SMAD2: variants seen among roughly 807,000 people sequenced by gnomAD.
SMAD2 encodes MAD homolog 2.
A neutral mutation model predicts 64.4 loss-of-function variants in SMAD2; 8 were observed. The ratio of observed to expected loss-of-function variants is 0.12; its 90% CI spans 0.07 to 0.22. SMAD2 has a LOEUF of 0.22. Among genes scored for constraint, SMAD2 ranks in the 10% least tolerant of loss-of-function variants. SMAD2 has a pLI of 1.00. For missense variants in SMAD2, 289 were observed against 561.2 expected (o/e 0.51, Z 4.90); for synonymous variants, 203 against 195.8 (o/e 1.04, Z -0.31).
intron 1 of SMAD2, among the ~76,000 whole-genome samples, chr18:47,925,423 AG>A (rs1205560389): frequency 1.3e-5 from 2 of 152,344 alleles, no homozygotes; most frequent in Admixed American, 1.3e-4. Flanking sequence ...GTACAATGTG[AG>A]GCAAGCACAG....
At position 47,816,273 on chromosome 18, in the gene SMAD2, A is replaced by G. The variant is rs1912363278; in HGVS notation, c.*25554T>C. 1 of 152,174 alleles carries G rather than the reference A, an allele frequency of 6.6e-6. No homozygotes were observed. The highest frequency in any genetic ancestry group is 1.5e-5 in the Non-Finnish European group (1 of 68,022). 9.4% of individuals were successfully genotyped at this position (152,174 alleles called of 1,614,324 possible). ...TTGTTCAGAAGTTTTAGGTCTTATG[A>G]AAAAAAGATTTTTATAAATTATACA... On this transcript the variant is annotated 3_prime_UTR_variant, in exon 11 of 11. Transcript: ENST00000262160.
At chr18:47,930,848 C>G (rs2034989799), upstream of SMAD2, 1 of 149,026 alleles carries the variant, frequency 6.7e-6, no homozygotes, top group South Asian at 2.1e-4. Context: ...TCTCCGCCGC[C>G]GCGGCCGCGC....
chr18:47,903,933 G>T (rs1290631587), intron 1 of SMAD2, among the ~76,000 whole-genome samples: 1 of 151,312 alleles, frequency 6.6e-6, no homozygotes, highest in Non-Finnish European at 1.5e-5. Context: ...TTTAATTGGG[G>T]TGCCAGAGAA....
rs2144263369 is a variant in SMAD2, at chr18:47,836,373, T to C, written c.*5454A>G. 1 of 221,948 alleles carries C rather than the reference T, an allele frequency of 4.5e-6. No homozygotes were observed. The highest frequency in any genetic ancestry group is 1.8e-4 in the South Asian group (1 of 5,432). 13.7% of individuals were successfully genotyped at this position (221,948 alleles called of 1,614,324 possible). The stretch of plus-strand genomic sequence containing the variant: ...AACGGGGTATATGGCAGAGCTTTCT[T>C]TGATGTTAACAAATTTTGGCTGTGA... On this transcript the variant is annotated 3_prime_UTR_variant, in exon 11 of 11. Coordinates refer to ENST00000262160, the MANE Select transcript of SMAD2 (RefSeq NM_005901.6).
At position 47,828,271 on chromosome 18, in the gene SMAD2, G is replaced by T. The variant is rs184530434; in HGVS notation, c.*13556C>A. The T allele has an allele frequency of 0.061, 9,418 of 154,568 alleles. 366 individuals are homozygous for T. The highest frequency in any genetic ancestry group is 0.088 in the Non-Finnish European group (6,138 of 70,148). The allele number at this position is 154,568 out of a possible 1,614,324, so 9.6% of individuals were successfully genotyped here. On this transcript the variant is annotated 3_prime_UTR_variant, in exon 11 of 11. Coordinates refer to ENST00000262160, the MANE Select transcript of SMAD2 (RefSeq NM_005901.6). ...CGGCCAGCCGCCCCGTCCGGGAGGT[G>T]GGGGGCAACCCCCGCCCGGCCAGCT...
At chr18:47,919,325 T>C (rs1036199951) in intron 1 of SMAD2, among the ~76,000 whole-genome samples, 2 of 151,832 alleles carry the variant, frequency 1.3e-5, no homozygotes, top group Admixed American at 6.6e-5. Context: ...CTGAAGAATA[T>C]GTCTCATCAA....
rs566869442 is a variant in SMAD2, at chr18:47,831,526, A to C, written c.*10301T>G. The C allele has an allele frequency of 9.8e-5, 15 of 152,362 alleles. No homozygotes were observed. Among genetic ancestry groups the C allele is most frequent in the Admixed American group, 7.8e-4 (12 of 15,304 alleles). 9.4% of individuals were successfully genotyped at this position (152,362 alleles called of 1,614,324 possible). ...GCAGAGGCAGCCAACAAAACTATTG[A>C]AGACAGACTGTAAAAACTGGCAAAT... is the stretch of plus-strand genomic sequence containing the variant. On this transcript the variant is annotated 3_prime_UTR_variant, in exon 11 of 11. Coordinates refer to ENST00000262160, the MANE Select transcript of SMAD2 (RefSeq NM_005901.6).
intron 1 of SMAD2, among the ~76,000 whole-genome samples, chr18:47,906,121 A>C (rs2033892499): frequency 6.6e-6 from 1 of 151,326 alleles, no homozygotes; most frequent in Non-Finnish European, 1.5e-5. Flanking sequence ...TCTCAAAAAG[A>C]AAAAAAAAGA....
chr18:47,899,044 G>GT (rs1233341219), intron 1 of SMAD2, among the ~76,000 whole-genome samples: 1 of 152,088 alleles, frequency 6.6e-6, no homozygotes, highest in East Asian at 1.9e-4. Flanking sequence ...TGGAGAAGGG[G>GT]TAAGTTTTTA....
At chr18:47,904,666 T>C (rs2033832957) in intron 1 of SMAD2, among the ~76,000 whole-genome samples, 1 of 151,980 alleles carries the variant, frequency 6.6e-6, no homozygotes, top group South Asian at 2.1e-4. Flanking sequence ...AGCAACATAA[T>C]AGAAAAGGTC....
chr18:47,908,010 A>C (rs930665893), intron 1 of SMAD2, among the ~76,000 whole-genome samples: 11 of 152,230 alleles, frequency 7.2e-5, no homozygotes, highest in Non-Finnish European at 1.3e-4. Context: ...AAAAAAATTT[A>C]AAAGGTGCCT....
rs565358660 is a variant in SMAD2, at chr18:47,900,063, T to C, written c.-53-3254A>G. On this transcript the variant is annotated intron_variant, in intron 1 of 10. Coordinates refer to ENST00000262160, the MANE Select transcript of SMAD2 (RefSeq NM_005901.6). ...ATAACAGTACCTATCTTAAAGCCAA[T>C]ATAACAACCTCTATAAAAATGTAAT... is the stretch of plus-strand genomic sequence containing the variant. Among the ~76,000 whole-genome samples the C allele has an allele frequency of 2.0e-5, 3 of 152,252 alleles. No homozygotes were observed. The South Asian group carries it at 6.2e-4, about 32-fold the overall frequency.
intron 1 of SMAD2, among the ~76,000 whole-genome samples, chr18:47,917,049 C>T (rs1255482500): frequency 1.3e-5 from 2 of 152,206 alleles, no homozygotes; most frequent in Non-Finnish European, 2.9e-5. Context: ...GAGACGGAGT[C>T]TCGCTCTGTC....
intron 2 of SMAD2, among the ~76,000 whole-genome samples, chr18:47,873,695 T>C (rs2032081269): frequency 6.6e-6 from 1 of 152,160 alleles, no homozygotes; most frequent in Non-Finnish European, 1.5e-5. Context: ...ATCAACTATT[T>C]GAAAATAGCA....
At chr18:47,924,919 G>C (rs1041764093) in intron 1 of SMAD2, among the ~76,000 whole-genome samples, 1 of 152,212 alleles carries the variant, frequency 6.6e-6, no homozygotes, top group Non-Finnish European at 1.5e-5. Flanking sequence ...CAAACTATAA[G>C]ATCACAGATT....
At chr18:47,848,733 G>T (rs766210096) in intron 7 of SMAD2, 46 bp from the exon 8 acceptor site, 2 of 1,345,656 alleles carry the variant, frequency 1.5e-6, no homozygotes, top group Non-Finnish European at 2.1e-6. Flanking sequence ...AGAAATGCGT[G>T]AACAATTCAA....
chr18:47,852,128 T>G (rs995375917), intron 6 of SMAD2, among the ~76,000 whole-genome samples: 2 of 152,214 alleles, frequency 1.3e-5, no homozygotes, highest in African/African-American at 4.8e-5. Flanking sequence ...AGTCTGTTCT[T>G]TTCTTTTGCG....
chr18:47,857,721 C>T (rs1335251720), intron 6 of SMAD2, among the ~76,000 whole-genome samples: 3 of 152,266 alleles, frequency 2.0e-5, no homozygotes, highest in Admixed American at 1.3e-4. Context: ...ACTGAGCTTG[C>T]CAAAGGAGAA....
At chr18:47,890,570 A>G (rs149159137) in intron 2 of SMAD2, among the ~76,000 whole-genome samples, 22 of 152,318 alleles carry the variant, frequency 1.4e-4, no homozygotes, top group Middle Eastern at 3.4e-3. Flanking sequence ...AATGGACCCA[A>G]AAGTCATACT....
Sources: allele counts gnomAD v4.1 joint callset (sites outside exome capture counted in the v4.1 genomes callset), GRCh38; gene constraint gnomAD v4.1.1; transcripts MANE v1.5; gene names NCBI Gene and HGNC (gene_info 2026-07-23, HGNC 2026-07-21).